Variants in NKAIN3 observed in about 807,000 individuals in gnomAD.
NKAIN3 encodes sodium/potassium transporting ATPase interacting 3.
A neutral mutation model predicts 30.2 loss-of-function variants in NKAIN3; 25 were observed. The ratio of observed to expected loss-of-function variants is 0.83; its 90% CI spans 0.60 to 1.16. The LOEUF is 1.16. NKAIN3 is among the 50% of genes most tolerant of loss of function. The pLI is 0.00. For missense variants in NKAIN3, 225 were observed against 254.1 expected, an observed-to-expected ratio of 0.89 and a Z score of 0.78; for synonymous variants, 91 against 89.6, an observed-to-expected ratio of 1.02 and a Z score of -0.09.
rs1354842824 is a variant in NKAIN3, at chr8:62,808,473, G to C, written c.471+61344G>C. Among the ~76,000 whole-genome samples, 5 of 152,306 alleles carry C rather than the reference G, an allele frequency of 3.3e-5. No homozygotes were observed. The East Asian group carries it at 9.6e-4, about 29-fold the overall frequency. ...AAGCATTCCCTATCAGGGGAAACCAGCCCCTGATATTTCAACGTAGGTTCT... is the reference window on the plus strand; with the variant it reads ...AAGCATTCCCTATCAGGGGAAACCACCCCCTGATATTTCAACGTAGGTTCT... On this transcript the variant is annotated intron_variant, in intron 4 of 6. Coordinates refer to ENST00000623646, the MANE Select transcript of NKAIN3 (RefSeq NM_001304533.3).
intron 4 of NKAIN3, among the ~76,000 whole-genome samples, chr8:62,833,858 C>G (rs925831481): frequency 3.3e-5 from 5 of 151,910 alleles, no homozygotes; most frequent in African/African-American, 9.7e-5. Context: ...CAAAATATGG[C>G]AAAGACACCA....
At chr8:62,692,750 A>G (rs1814020414) in intron 3 of NKAIN3, among the ~76,000 whole-genome samples, 1 of 152,174 alleles carries the variant, frequency 6.6e-6, no homozygotes. Context: ...TTCTCTGCTT[A>G]GCCTTTTGTT....
chr8:62,537,093 T>G (rs977649626), intron 1 of NKAIN3, among the ~76,000 whole-genome samples: 3 of 152,200 alleles, frequency 2.0e-5, no homozygotes, highest in African/African-American at 7.2e-5. Flanking sequence ...ACCTTATGTC[T>G]TTACTTTGGG....
chr8:62,951,566 C>A (rs924377126), intron 5 of NKAIN3, among the ~76,000 whole-genome samples: 4 of 151,972 alleles, frequency 2.6e-5, no homozygotes, highest in African/African-American at 7.3e-5. Context: ...TCAAACTATC[C>A]TTCCACTTCA....
At chr8:62,452,768 G>C (rs1585824573) in intron 1 of NKAIN3, among the ~76,000 whole-genome samples, 1 of 152,132 alleles carries the variant, frequency 6.6e-6, no homozygotes, top group Non-Finnish European at 1.5e-5. Flanking sequence ...TTTTAAACTA[G>C]TATACTGATT....
intron 1 of NKAIN3, among the ~76,000 whole-genome samples, chr8:62,507,873 T>C (rs1807693191): frequency 6.6e-6 from 1 of 152,180 alleles, no homozygotes; most frequent in South Asian, 2.1e-4. Context: ...AGATGCAGGC[T>C]GAGATTGAAT....
At chr8:62,421,578 G>A (rs1412496160) in intron 1 of NKAIN3, among the ~76,000 whole-genome samples, 3 of 151,702 alleles carry the variant, frequency 2.0e-5, no homozygotes, top group Admixed American at 6.6e-5. Flanking sequence ...AAAATGCTGC[G>A]GGAGGAGGAT....
At chr8:62,307,095 G>A (rs989925052) in intron 1 of NKAIN3, among the ~76,000 whole-genome samples, 1 of 149,678 alleles carries the variant, frequency 6.7e-6, no homozygotes, top group Non-Finnish European at 1.5e-5. Flanking sequence ...CAGAGCTGAG[G>A]GGGCTGCCCT....
intron 1 of NKAIN3, among the ~76,000 whole-genome samples, chr8:62,446,772 T>C (rs376394343): frequency 7.2e-6 from 1 of 139,454 alleles, no homozygotes; most frequent in Non-Finnish European, 1.7e-5. Flanking sequence ...TTCAAGGTTG[T>C]AGAATGTGTC....
At chr8:62,818,553 G>T (rs1818757832) in intron 4 of NKAIN3, among the ~76,000 whole-genome samples, 2 of 148,428 alleles carry the variant, frequency 1.3e-5, no homozygotes, top group Admixed American at 1.4e-4. Flanking sequence ...TGTCTTGTTT[G>T]TTCATTTATT....
chr8:62,993,163 C>T (rs1484352008), intron 5 of NKAIN3, among the ~76,000 whole-genome samples: 1 of 152,136 alleles, frequency 6.6e-6, no homozygotes, highest in Non-Finnish European at 1.5e-5. Context: ...TTTCTGCCCA[C>T]ATTCCTCAGG....
chr8:62,680,643 T>G (rs1236427053), intron 3 of NKAIN3, among the ~76,000 whole-genome samples: 1 of 152,160 alleles, frequency 6.6e-6, no homozygotes, highest in East Asian at 1.9e-4. Flanking sequence ...TTACATTATA[T>G]GATAGGATTT....
At chr8:62,484,976 A>G (rs964890979) in intron 1 of NKAIN3, among the ~76,000 whole-genome samples, 1 of 152,208 alleles carries the variant, frequency 6.6e-6, no homozygotes, top group African/African-American at 2.4e-5. Context: ...ATTCCTGTAC[A>G]TAACTCTGTC....
chr8:62,547,862 C>T lies in NKAIN3; in HGVS notation c.55-31677C>T, dbSNP rs149425158. Among the ~76,000 whole-genome samples, 814 of 152,278 alleles carry T rather than the reference C, an allele frequency of 5.3e-3. 6 individuals carry two copies. Among genetic ancestry groups the T allele is most frequent in the African/African-American group, 0.017 (717 of 41,568 alleles). The stretch of plus-strand genomic sequence containing the variant: ...ACAGTGCTGCTCAAATTTGAATGCA[C>T]GTAACATCACCTGGGGACCACATTA... On this transcript the variant is annotated intron_variant, in intron 1 of 6. Coordinates refer to ENST00000623646, the MANE Select transcript of NKAIN3 (RefSeq NM_001304533.3).
intron 3 of NKAIN3, among the ~76,000 whole-genome samples, chr8:62,701,650 G>A (rs926218160): frequency 6.6e-6 from 1 of 152,116 alleles, no homozygotes; most frequent in African/African-American, 2.4e-5. Flanking sequence ...ATGATGTGAC[G>A]TATACAATTA....
Position 62,970,067 on chromosome 8 carries a change from A to T in NKAIN3, c.*4660A>T, listed in dbSNP as rs1217143436. 6.6e-6 allele frequency among the ~76,000 whole-genome samples: 1 copy of T among 152,056 alleles called. No homozygotes were observed. The highest frequency in any genetic ancestry group is 2.4e-5 in the African/African-American group (1 of 41,418). On this transcript the variant is annotated 3_prime_UTR_variant, in exon 7 of 7. Coordinates refer to ENST00000623646, the MANE Select transcript of NKAIN3 (RefSeq NM_001304533.3). ...AAATAAACAAAAAATACCTAAAAAA[A>T]AATTTAAATTAGCCAAGCATGGTGG...
chr8:62,271,425 A>G (rs1243459031), intron 1 of NKAIN3, among the ~76,000 whole-genome samples: 3 of 152,316 alleles, frequency 2.0e-5, no homozygotes, highest in East Asian at 1.9e-4. Context: ...TCTGGGAGGA[A>G]GTATCAAGGT....
At chr8:62,567,137 A>G (rs1809777916) in intron 1 of NKAIN3, among the ~76,000 whole-genome samples, 1 of 152,134 alleles carries the variant, frequency 6.6e-6, no homozygotes, top group Non-Finnish European at 1.5e-5. Flanking sequence ...TCTGGAATGA[A>G]AACTTCCAGT....
At chr8:62,745,717 T>C (rs959015706) in intron 3 of NKAIN3, among the ~76,000 whole-genome samples, 1 of 152,200 alleles carries the variant, frequency 6.6e-6, no homozygotes, top group South Asian at 2.1e-4. Flanking sequence ...TTGATATACA[T>C]AAAAGTTAAG....
Sources: allele counts gnomAD v4.1 joint callset (sites outside exome capture counted in the v4.1 genomes callset), GRCh38; gene constraint gnomAD v4.1.1; transcripts MANE v1.5; gene names NCBI Gene and HGNC (gene_info 2026-07-23, HGNC 2026-07-21).